The following HID1 variants were observed in gnomAD, a reference collection of about 807,000 sequenced individuals.
HID1 encodes protein HID1.
HID1 carries 42 observed loss-of-function variants against 89.7 expected under a neutral mutation model. The ratio of observed to expected loss-of-function variants is 0.47; its 90% confidence interval spans 0.37 to 0.61. The LOEUF is 0.61. Ranked by LOEUF, HID1 falls within the 20% of genes least tolerant of loss-of-function variation. The pLI is 0.00. For synonymous variants in HID1, 442 were observed against 433.8 expected (o/e 1.02, Z -0.24); for missense variants, 854 against 1,039.3 (o/e 0.82, Z 2.45).
At position 74,951,652 on chromosome 17, in the gene HID1, G is replaced by A. The variant is rs1453618214; in HGVS notation, c.2304-19C>T. On this transcript the variant is annotated intron_variant, in intron 18 of 18. Coordinates refer to ENST00000425042, the MANE Select transcript of HID1 (RefSeq NM_030630.3). ...CACATTCCTGTGGAGGAAATGGGGG[G>A]TTACCCAGGTGCTGGGGCACCTTGC... The A allele has an allele frequency of 3.7e-6, 6 of 1,608,340 alleles. No individual in the cohort carries two copies. The highest frequency in any genetic ancestry group is 4.5e-5 in the East Asian group (2 of 44,770).
chr17:74,959,789 G>A lies in HID1; in HGVS notation c.1008+92C>T. On this transcript the variant is annotated intron_variant, in intron 8 of 18. Coordinates refer to ENST00000425042, the MANE Select transcript of HID1 (RefSeq NM_030630.3). The surrounding 1 kb of genome is among the most constrained non-coding windows in gnomAD (Gnocchi z 4.6). ...GGTGGCCCCAGCCCACAGAGAGCAT[G>A]GTTCCTTCATGGAGGGGTCAGGATC... 7.4e-7 allele frequency: 1 copy of A among 1,351,370 alleles called. No individual in the cohort carries two copies. The highest frequency in any genetic ancestry group is 1.2e-5 in the South Asian group (1 of 82,918). The allele number at this position is 1,351,370 out of a possible 1,614,324, so 83.7% of individuals were successfully genotyped here. A position where few individuals can be genotyped will look rare whatever the true frequency, so the allele number is the denominator to read the frequency against.
Position 74,951,323 on chromosome 17 carries a change from A to AG in HID1, c.*246dup. The stretch of plus-strand genomic sequence containing the variant: ...AAGAGGGAGTCCGAGTGTTGGGGGC[A>AG]GTGGTCTCTGGTGGGGGCATAGCCC... On this transcript the variant is annotated 3_prime_UTR_variant, in exon 19 of 19. Coordinates refer to ENST00000425042, the MANE Select transcript of HID1 (RefSeq NM_030630.3). 3.5e-6 allele frequency: 2 copies of AG among 565,890 alleles called. No homozygotes were observed. The highest frequency in any genetic ancestry group is 6.3e-6 in the Non-Finnish European group (2 of 318,272). The allele number at this position is 565,890 out of a possible 1,614,324, so 35.1% of individuals were successfully genotyped here.
At position 74,963,562 on chromosome 17, in the gene HID1, G is replaced by A. The variant is rs570420000; in HGVS notation, c.387+178C>T. 4 of 631,342 alleles carry A rather than the reference G, an allele frequency of 6.3e-6. No homozygotes were observed. The African/African-American group carries it at 7.3e-5, about 12-fold the overall frequency. 39.1% of individuals were successfully genotyped at this position (631,342 alleles called of 1,614,324 possible). On this transcript the variant is annotated intron_variant, in intron 3 of 18. Transcript: ENST00000425042. Reference sequence around the variant, plus strand: ...GTGGGCACAGAAACCCCCATGGGAGGGGAACTGAGGGCCCAAGGAGGTGGC... The same window carrying A: ...GTGGGCACAGAAACCCCCATGGGAGAGGAACTGAGGGCCCAAGGAGGTGGC...
At chr17:74,967,028 C>G (rs1419699171) in intron 1 of HID1, among the ~76,000 whole-genome samples, 1 of 152,102 alleles carries the variant, frequency 6.6e-6, no homozygotes, top group Non-Finnish European at 1.5e-5. Context: ...ATCACAAGGT[C>G]AGGAGTTCGA....
chr17:74,964,256 T>C (rs1042562051), intron 2 of HID1: 29 of 602,854 alleles, frequency 4.8e-5, no homozygotes, highest in Non-Finnish European at 8.2e-5. Context: ...CTAAATGAAC[T>C]GATCTGTGGA....
Position 74,953,933 on chromosome 17 carries a change from G to A in HID1, c.1864+205C>T, listed in dbSNP as rs544333273. On this transcript the variant is annotated intron_variant, in intron 14 of 18. Transcript: ENST00000425042. ...GCCCATCCCTCCAGAGTCTACACTC[G>A]CCCTGAGGCTTTGCCCCCAACACCA... 1.2e-4 allele frequency among the ~76,000 whole-genome samples: 17 copies of A among 144,116 alleles called. No individual in the cohort carries two copies. In the Middle Eastern group the frequency reaches 0.011, roughly 90 times the overall value. The allele number at this position is 144,116 out of a possible 152,430, so 94.5% of individuals were successfully genotyped here.
chr17:74,962,002 AG>A lies in HID1; in HGVS notation c.612-14del. The A allele has an allele frequency of 1.3e-6, 2 of 1,545,884 alleles. No homozygotes were observed. The highest frequency in any genetic ancestry group is 2.0e-5 in the Admixed American group (1 of 50,796). ...CAGCAGCTCCATCCTTGTAGGAGGAAGGGGGAGGGCACCTTAGGATCCCAGT... is the reference window on the plus strand; with the variant it reads ...CAGCAGCTCCATCCTTGTAGGAGGAAGGGGAGGGCACCTTAGGATCCCAGT... On this transcript the variant is annotated splice_polypyrimidine_tract_variant and intron_variant, in intron 5 of 18. Transcript: ENST00000425042. This position sits in a 1 kb window ranked among gnomAD's most constrained non-coding sequence, Gnocchi z 4.3.
At chr17:74,970,251 C>T (rs1176649655) in intron 1 of HID1, among the ~76,000 whole-genome samples, 2 of 152,142 alleles carry the variant, frequency 1.3e-5, no homozygotes, top group Admixed American at 1.3e-4. Context: ...CTTTTCCAGG[C>T]CCCTGCTCGG....
intron 6 of HID1, 78 bp downstream of exon 6, chr17:74,961,790 GACCCA>G: frequency 1.3e-6 from 1 of 783,492 alleles, no homozygotes. Flanking sequence ...CCTCAAACGA[GACCCA>G]GAGCTGGCGA....
chr17:74,951,810 G>GTCCA (rs981437921), intron 18 of HID1, 95 bp downstream of exon 18: 1 of 1,400,456 alleles, frequency 7.1e-7, no homozygotes, highest in Admixed American at 2.4e-5. Flanking sequence ...TTGACATGAA[G>GTCCA]TCCACCATAG....
chr17:74,957,562 G>A lies in HID1; in HGVS notation c.1471+579C>T, dbSNP rs1027251513. On this transcript the variant is annotated intron_variant, in intron 12 of 18. Transcript: ENST00000425042. ...GACTACCAGTGGCTCCCATAAACTG[G>A]GCTAACCTCCTTCAGATGTCAAAAA... Among the ~76,000 whole-genome samples, 8 of 149,304 alleles carry A rather than the reference G, an allele frequency of 5.4e-5. No individual in the cohort carries two copies. In the Admixed American group the frequency reaches 5.4e-4, roughly 10 times the overall value.
chr17:74,952,162 C>G (rs2039312295), intron 17 of HID1, 99 bp from the exon 18 acceptor site: 1 of 1,524,998 alleles, frequency 6.6e-7, no homozygotes, highest in African/African-American at 1.4e-5. Context: ...CACACGCCTA[C>G]CTAAGCCTAG....
chr17:74,952,343 C>G lies in HID1; in HGVS notation c.2070G>C (p.Ser690=), dbSNP rs1195973379. The G allele has an allele frequency of 1.2e-6, 2 of 1,613,686 alleles. No individual in the cohort carries two copies. Among genetic ancestry groups the G allele is most frequent in the African/African-American group, 1.3e-5 (1 of 74,924 alleles). ...TCATGATGGTCTGCAGCGGCAGCTTCGACTTCCAGGAGAGGACCTGGCGAG... is the reference window on the plus strand; with the variant it reads ...TCATGATGGTCTGCAGCGGCAGCTTGGACTTCCAGGAGAGGACCTGGCGAG... ...PTPEWVLSWK[S]KLPLQTIMRL... is the part of the protein sequence containing the mutation. Residue 690 remains serine, a synonymous_variant, in exon 17 of 19, where the codon TCG becomes TCC. Transcript: ENST00000425042.
chr17:74,962,991 C>T lies in HID1; in HGVS notation c.478G>A (p.Val160Ile), dbSNP rs1322436699. Residue 160 changes from valine to isoleucine, a missense_variant, in exon 4 of 19, where the codon GTT becomes ATT. Physicochemically the swap from Val to Ile is conservative, Grantham distance 29. Coordinates refer to ENST00000425042, the MANE Select transcript of HID1 (RefSeq NM_030630.3). This position sits in a 1 kb window ranked among gnomAD's most constrained non-coding sequence, Gnocchi z 4.3. ...ADLLFCPDFT[V>I]QSHRRSTVDS... ...ACAGTGCTCCTCCGGTGGCTCTGAA[C>T]CGTGAAGTCCGGGCAGAAGAGCAGG... The T allele has an allele frequency of 3.1e-6, 5 of 1,613,432 alleles. No individual in the cohort carries two copies. Among genetic ancestry groups the T allele is most frequent in the East Asian group, 4.5e-5 (2 of 44,834 alleles).
intron 18 of HID1, 126 bp from the exon 19 acceptor site, chr17:74,951,759 G>A: frequency 7.4e-7 from 1 of 1,342,694 alleles, no homozygotes; most frequent in African/African-American, 1.5e-5. Context: ...TGGGCAGCGG[G>A]TGCCACCGTC....
rs191201706 is a variant in HID1, at chr17:74,959,765, G to A, written c.1008+116C>T. The A allele has an allele frequency of 1.8e-6, 2 of 1,083,718 alleles. No homozygotes were observed. The highest frequency in any genetic ancestry group is 2.8e-6 in the Non-Finnish European group (2 of 718,974). 67.1% of individuals were successfully genotyped at this position (1,083,718 alleles called of 1,614,324 possible). ...CAGTCCTGCCACTATTTCACCTAGG[G>A]TGGCCCCAGCCCACAGAGAGCATGG... On this transcript the variant is annotated intron_variant, in intron 8 of 18. Coordinates refer to ENST00000425042, the MANE Select transcript of HID1 (RefSeq NM_030630.3). This position sits in a 1 kb window ranked among gnomAD's most constrained non-coding sequence, Gnocchi z 4.6.
chr17:74,964,456 T>C, intron 2 of HID1, 27 bp downstream of exon 2: 1 of 1,597,474 alleles, frequency 6.3e-7, no homozygotes. Context: ...GGTGGAAGAG[T>C]AGCAGGAGGG....
intron 1 of HID1, chr17:74,967,917 A>T (rs1450139727): frequency 6.6e-6 from 1 of 151,992 alleles, no homozygotes; most frequent in Non-Finnish European, 1.5e-5. Context: ...AGCCTGGGTA[A>T]CATAGTGAGA....
intron 2 of HID1, 49 bp downstream of exon 2, chr17:74,964,434 G>A: frequency 6.4e-7 from 1 of 1,573,058 alleles, no homozygotes; most frequent in Non-Finnish European, 8.6e-7. Flanking sequence ...TTCTCCTGCT[G>A]TGGGCTGGGA....
Sources: allele counts gnomAD v4.1 joint callset (sites outside exome capture counted in the v4.1 genomes callset), GRCh38; gene constraint gnomAD v4.1.1; non-coding constraint Gnocchi (gnomAD v3.1); transcripts MANE v1.5; gene names NCBI Gene and HGNC (gene_info 2026-07-23, HGNC 2026-07-21).